COL28A1: variants seen among roughly 807,000 people sequenced by gnomAD.
The protein encoded by COL28A1 is collagen alpha-1(XXVIII) chain.
Under a neutral mutation model 150.2 loss-of-function variants are expected in COL28A1, and 161 were observed. The ratio of observed to expected loss-of-function variants is 1.07; its 90% CI spans 0.94 to 1.22. The LOEUF (loss-of-function observed/expected upper bound fraction) is 1.22. Ranked by LOEUF, COL28A1 falls within the 50% of genes most tolerant of loss-of-function variation. COL28A1 has a pLI of 0.00. For synonymous variants in COL28A1, 552 were observed against 469.7 expected (o/e 1.18, Z -2.26); for missense variants, 1,617 against 1,388.3 (o/e 1.16, Z -2.62).
intron 11 of COL28A1, among the ~76,000 whole-genome samples, chr7:7,501,672 C>A (rs1469753212): frequency 6.6e-6 from 1 of 152,148 alleles, no homozygotes; most frequent in African/African-American, 2.4e-5. Context: ...ATAAGCCATT[C>A]TTCCTAGTAA....
chr7:7,462,065 C>T (rs139224208), intron 15 of COL28A1, among the ~76,000 whole-genome samples: 170 of 152,310 alleles, frequency 1.1e-3, no homozygotes, highest in African/African-American at 3.6e-3. Context: ...TCTGTGCAAA[C>T]AGCCCCCAGT....
At chr7:7,477,987 CT>C (rs1789058526) in intron 13 of COL28A1, among the ~76,000 whole-genome samples, 1 of 152,082 alleles carries the variant, frequency 6.6e-6, no homozygotes, top group Admixed American at 6.5e-5. Context: ...GCTAGATTAG[CT>C]AGATACAGAG....
chr7:7,426,194 G>A (rs879302911), intron 25 of COL28A1, among the ~76,000 whole-genome samples: 34 of 152,212 alleles, frequency 2.2e-4, no homozygotes, highest in Admixed American at 2.1e-3. Context: ...TGATGAAACT[G>A]AGGAATGACT....
At chr7:7,530,357 A>G (rs1782279320) in intron 3 of COL28A1, among the ~76,000 whole-genome samples, 1 of 152,212 alleles carries the variant, frequency 6.6e-6, no homozygotes, top group South Asian at 2.1e-4. Context: ...ACAGAGAGTA[A>G]AAAGATAAGA....
rs145895026 is a variant in COL28A1 at position 7,487,951 on chromosome 7, C to G, written c.1164+1438G>C. Among the ~76,000 whole-genome samples the G allele has an allele frequency of 3.5e-3, 536 of 152,262 alleles. 4 individuals are homozygous for G. The highest frequency in any genetic ancestry group is 0.012 in the African/African-American group (519 of 41,546). ...TGCCCATGTGGAGGAGAAATGAGGTCTCTGGGCAACAACCCTAGCTAAGCT... is the reference window on the plus strand; with the variant it reads ...TGCCCATGTGGAGGAGAAATGAGGTGTCTGGGCAACAACCCTAGCTAAGCT... On this transcript the variant is annotated intron_variant, in intron 13 of 34. Coordinates refer to ENST00000399429, the MANE Select transcript of COL28A1 (RefSeq NM_001037763.3).
At chr7:7,509,440 T>G (rs1017607031) in intron 9 of COL28A1, among the ~76,000 whole-genome samples, 1 of 152,236 alleles carries the variant, frequency 6.6e-6, no homozygotes, top group Non-Finnish European at 1.5e-5. Context: ...TTTTCTTATT[T>G]ATTAGCCATT....
chr7:7,506,373 G>C (rs925756451), intron 10 of COL28A1, among the ~76,000 whole-genome samples: 1 of 152,170 alleles, frequency 6.6e-6, no homozygotes, highest in African/African-American at 2.4e-5. Context: ...TGCCAGTTAA[G>C]TATCTTCTTT....
chr7:7,503,974 A>G (rs375158693), intron 11 of COL28A1, among the ~76,000 whole-genome samples: 28 of 152,290 alleles, frequency 1.8e-4, no homozygotes, highest in African/African-American at 6.5e-4. Flanking sequence ...ATATTTTACA[A>G]AAGAGAGGCC....
chr7:7,424,049 A>C (rs115692596), intron 25 of COL28A1, among the ~76,000 whole-genome samples: 18 of 152,250 alleles, frequency 1.2e-4, no homozygotes, highest in African/African-American at 4.3e-4. Context: ...GCTATGTTTC[A>C]CATATCTAAA....
chr7:7,392,800 C>T (rs1473178172), intron 27 of COL28A1, among the ~76,000 whole-genome samples: 1 of 152,082 alleles, frequency 6.6e-6, no homozygotes, highest in African/African-American at 2.4e-5. Flanking sequence ...TCACGAAGTT[C>T]TCGTGCTGTG....
chr7:7,519,978 C>T (rs1296382584), intron 6 of COL28A1, 84 bp downstream of exon 6: 2 of 761,872 alleles, frequency 2.6e-6, no homozygotes, highest in Non-Finnish European at 4.5e-6. Flanking sequence ...TACTACAATG[C>T]TTTTTATTTT....
chr7:7,380,478 C>T (rs61739533), intron 30 of COL28A1, among the ~76,000 whole-genome samples, 182 bp downstream of exon 30: 2,282 of 152,168 alleles, frequency 0.015, 52 homozygotes, highest in African/African-American at 0.051. Flanking sequence ...TTATCTCTCC[C>T]CTCATAGTCA....
At chr7:7,388,010 C>G (rs552620358) in intron 27 of COL28A1, among the ~76,000 whole-genome samples, 1 of 152,066 alleles carries the variant, frequency 6.6e-6, no homozygotes, top group East Asian at 1.9e-4. Context: ...TGTATTCATA[C>G]CAATTTCAGT....
intron 26 of COL28A1, among the ~76,000 whole-genome samples, chr7:7,418,519 G>C (rs965549617): frequency 1.3e-5 from 2 of 152,174 alleles, no homozygotes; most frequent in South Asian, 2.1e-4. Context: ...TTCCCTTGGA[G>C]ATCTCCAGTG....
chr7:7,377,155 T>A (rs1327692639), intron 30 of COL28A1, among the ~76,000 whole-genome samples: 1 of 152,210 alleles, frequency 6.6e-6, no homozygotes, highest in Non-Finnish European at 1.5e-5. Flanking sequence ...ATAAGAGCAA[T>A]GCATGTATCA....
intron 15 of COL28A1, among the ~76,000 whole-genome samples, chr7:7,457,344 G>C (rs1480896859): frequency 6.6e-6 from 1 of 152,128 alleles, no homozygotes; most frequent in African/African-American, 2.4e-5. Context: ...CTCAAAACCT[G>C]GATAATGTTG....
intron 1 of COL28A1, 135 bp from the exon 2 acceptor site, chr7:7,533,047 T>A: frequency 1.0e-6 from 1 of 1,003,946 alleles, no homozygotes; most frequent in Non-Finnish European, 1.3e-6. Flanking sequence ...TAGAAAAATA[T>A]TCACATTGAG....
chr7:7,498,523 A>G (rs988753404), intron 11 of COL28A1, among the ~76,000 whole-genome samples: 1 of 152,086 alleles, frequency 6.6e-6, no homozygotes, highest in Admixed American at 6.6e-5. Context: ...ACAATGAAAA[A>G]CTTTTGGGTA....
chr7:7,515,473 T>G (rs1255051011), intron 8 of COL28A1, among the ~76,000 whole-genome samples: 1 of 152,172 alleles, frequency 6.6e-6, no homozygotes, highest in East Asian at 1.9e-4. Context: ...ACACCAAGGG[T>G]GCAACCTATT....
Sources: allele counts gnomAD v4.1 joint callset (sites outside exome capture counted in the v4.1 genomes callset), GRCh38; gene constraint gnomAD v4.1.1; transcripts MANE v1.5; gene names NCBI Gene and HGNC (gene_info 2026-07-23, HGNC 2026-07-21).